Variants in PKNOX2 observed in about 807,000 individuals in gnomAD.
PKNOX2 encodes homeobox protein PKNOX2.
A neutral mutation model predicts 53.1 loss-of-function variants in PKNOX2; 14 were observed. That is an observed-to-expected ratio of 0.26 (90% CI 0.17 to 0.41). The LOEUF is 0.41. Among genes scored for constraint, PKNOX2 ranks in the 10% least tolerant of loss-of-function variants. The pLI is 1.00. For missense variants in PKNOX2, 496 were observed against 602.8 expected (o/e 0.82, Z 1.85); for synonymous variants, 257 against 242.8 (o/e 1.06, Z -0.54).
intron 2 of PKNOX2, among the ~76,000 whole-genome samples, chr11:125,318,410 T>C (rs1381473209): frequency 6.6e-6 from 1 of 151,970 alleles, no homozygotes; most frequent in Non-Finnish European, 1.5e-5. Context: ...TGTGAGCCAC[T>C]GTGCCCTGCC....
intron 2 of PKNOX2, among the ~76,000 whole-genome samples, chr11:125,326,346 A>T (rs1949818801): frequency 6.6e-6 from 1 of 151,846 alleles, no homozygotes; most frequent in Admixed American, 6.5e-5. Flanking sequence ...TGGGCCAGGG[A>T]ACTCACACAG....
intron 11 of PKNOX2, 77 bp from the exon 12 acceptor site, chr11:125,429,886 C>T: frequency 6.8e-7 from 1 of 1,461,080 alleles, no homozygotes; most frequent in Non-Finnish European, 9.2e-7. Context: ...AGTCTGAAGG[C>T]AGCTTCACCC....
intron 1 of PKNOX2, among the ~76,000 whole-genome samples, chr11:125,178,663 A>AG (rs1955927416): frequency 1.7e-5 from 2 of 118,006 alleles, no homozygotes; most frequent in African/African-American, 1.0e-4. Flanking sequence ...GGAAGGAAGG[A>AG]AGGAAGGAAA....
chr11:125,189,373 ATATATATATG>A (rs1956649247), intron 1 of PKNOX2, among the ~76,000 whole-genome samples: 1 of 137,806 alleles, frequency 7.3e-6, no homozygotes, highest in African/African-American at 2.7e-5. Flanking sequence ...ATATATGTAT[ATATATATATG>A]TGTGTATATA....
At chr11:125,208,334 A>C (rs1045945438) in intron 1 of PKNOX2, among the ~76,000 whole-genome samples, 4 of 152,078 alleles carry the variant, frequency 2.6e-5, no homozygotes, top group African/African-American at 9.7e-5. Context: ...GGAAAGTTAG[A>C]TTGGGACCAT....
intron 4 of PKNOX2, among the ~76,000 whole-genome samples, 196 bp from the exon 5 acceptor site, chr11:125,367,650 T>G (rs1952261366): frequency 6.6e-6 from 1 of 152,220 alleles, no homozygotes. Context: ...TTCTAGAACA[T>G]GCTCATTTGA....
intron 2 of PKNOX2, among the ~76,000 whole-genome samples, chr11:125,328,322 G>C (rs1023656710): frequency 6.6e-6 from 1 of 151,850 alleles, no homozygotes; most frequent in African/African-American, 2.4e-5. Context: ...TAGAAGACAG[G>C]GAGAGAGCGG....
intron 2 of PKNOX2, among the ~76,000 whole-genome samples, chr11:125,284,971 T>C (rs1373144028): frequency 6.6e-6 from 1 of 151,914 alleles, no homozygotes; most frequent in Non-Finnish European, 1.5e-5. Context: ...ACTGATTGAG[T>C]GGGAGGCTTT....
intron 2 of PKNOX2, among the ~76,000 whole-genome samples, chr11:125,247,140 G>A (rs979563610): frequency 3.9e-5 from 6 of 152,150 alleles, no homozygotes; most frequent in African/African-American, 1.4e-4. Context: ...TGCTTTCTTT[G>A]GAATTGGCAG....
chr11:125,276,445 G>A (rs1385632141), intron 2 of PKNOX2, among the ~76,000 whole-genome samples: 2 of 152,186 alleles, frequency 1.3e-5, no homozygotes, highest in Non-Finnish European at 2.9e-5. Flanking sequence ...AAAAGTCCTT[G>A]AAATGGCACG....
At chr11:125,252,048 C>A (rs560626657) in intron 2 of PKNOX2, among the ~76,000 whole-genome samples, 1 of 152,100 alleles carries the variant, frequency 6.6e-6, no homozygotes, top group African/African-American at 2.4e-5. Context: ...AAGCAGGCAC[C>A]TCTAGCACAA....
At chr11:125,182,052 T>G (rs1249969110) in intron 1 of PKNOX2, among the ~76,000 whole-genome samples, 1 of 152,220 alleles carries the variant, frequency 6.6e-6, no homozygotes, top group African/African-American at 2.4e-5. Flanking sequence ...GCTGCTCTCC[T>G]CAGCGGAGTT....
intron 3 of PKNOX2, among the ~76,000 whole-genome samples, chr11:125,341,436 C>T (rs1219659699): frequency 6.6e-6 from 1 of 152,142 alleles, no homozygotes; most frequent in African/African-American, 2.4e-5. Context: ...TATTGAGGCT[C>T]CATAAGGAGG....
intron 2 of PKNOX2, among the ~76,000 whole-genome samples, chr11:125,299,033 C>T (rs1233187128): frequency 2.0e-5 from 3 of 151,906 alleles, no homozygotes; most frequent in African/African-American, 2.4e-5. Context: ...AGCATGGTGC[C>T]AGCATCTTCT....
At chr11:125,385,418 G>A in intron 5 of PKNOX2, 133 bp from the exon 6 acceptor site, 1 of 997,262 alleles carries the variant, frequency 1.0e-6, no homozygotes, top group Non-Finnish European at 1.4e-6. Context: ...CATAGGGACT[G>A]GGGATGTTAT....
chr11:125,193,617 C>A (rs959865546), intron 1 of PKNOX2, among the ~76,000 whole-genome samples: 1 of 152,172 alleles, frequency 6.6e-6, no homozygotes. Flanking sequence ...TTGTCCCATG[C>A]GTGGGATAAC....
intron 2 of PKNOX2, among the ~76,000 whole-genome samples, chr11:125,302,067 C>T (rs1948113499): frequency 6.6e-6 from 1 of 152,184 alleles, no homozygotes; most frequent in Admixed American, 6.5e-5. Context: ...ACGCAGTTCG[C>T]CAGCTGCCTG....
Position 125,222,811 on chromosome 11 carries a change from ATG to A in PKNOX2, c.-200-12222_-200-12221del, listed in dbSNP as rs538663448. Among the ~76,000 whole-genome samples the A allele has an allele frequency of 5.0e-3, 752 of 149,926 alleles. 8 individuals carry two copies. Among genetic ancestry groups the A allele is most frequent in the African/African-American group, 0.017 (694 of 40,836 alleles). On this transcript the variant is annotated intron_variant, in intron 1 of 12. Coordinates refer to ENST00000298282, the MANE Select transcript of PKNOX2 (RefSeq NM_001382323.2). ...TATGTGTGTGTGTGTGTGCGTGTGTATGTGTGTGTGTGTTGCATCGAAAGGTG... is the reference window on the plus strand; with the variant it reads ...TATGTGTGTGTGTGTGTGCGTGTGTATGTGTGTGTGTTGCATCGAAAGGTG...
intron 1 of PKNOX2, among the ~76,000 whole-genome samples, chr11:125,223,419 T>C (rs755598369): frequency 3.3e-5 from 5 of 152,108 alleles, no homozygotes; most frequent in Non-Finnish European, 7.4e-5. Flanking sequence ...TTAGTAAAGA[T>C]GAGTTTTGCC....
Sources: gnomAD v4.1 joint callset for allele counts (sites outside exome capture counted in the v4.1 genomes callset) on GRCh38, gnomAD v4.1.1 for gene constraint, MANE v1.5 for transcripts, NCBI Gene and HGNC (gene_info 2026-07-23, HGNC 2026-07-21) for gene names.